The following DHX30 variants were observed in gnomAD, a reference collection of about 807,000 sequenced individuals.
DHX30 encodes DExH-box helicase 30.
A neutral mutation model predicts 116.9 loss-of-function variants in DHX30; 4 were observed. That is an observed-to-expected ratio of 0.03 (90% CI 0.02 to 0.08). The LOEUF (loss-of-function observed/expected upper bound fraction) is 0.08, where lower values mean the gene tolerates loss of function less well. Among genes scored for constraint, DHX30 ranks in the 10% least tolerant of loss-of-function variants. The probability of loss-of-function intolerance (pLI) is 1.00; values close to 1 mark genes in which losing one functional copy is unlikely to be tolerated. For synonymous variants in DHX30, 697 were observed against 651.7 expected (o/e 1.07, Z -1.06); for missense variants, 871 against 1,595.1 (o/e 0.55, Z 7.73).
At chr3:47,840,669 A>T (rs527893215) in intron 6 of DHX30, among the ~76,000 whole-genome samples, 1 of 152,192 alleles carries the variant, frequency 6.6e-6, no homozygotes, top group East Asian at 1.9e-4. Flanking sequence ...TCTTCTGCTC[A>T]CCCATTGCCA....
intron 6 of DHX30, among the ~76,000 whole-genome samples, chr3:47,838,218 T>C (rs540207380): frequency 8.5e-5 from 13 of 152,312 alleles, no homozygotes; most frequent in African/African-American, 2.9e-4. Context: ...CTTGGCCCCA[T>C]CGTCTGTCCC....
In DHX30 at chr3:47,841,013, T is replaced by G; in HGVS notation, c.503T>G (p.Leu168Arg). The change falls in exon 7 of 22, where the codon CTG (leucine) becomes CGG (arginine). Residue 168 changes from leucine (L) to arginine (R), a missense_variant. Leu to Arg is a moderately radical substitution (Grantham distance 102). Coordinates refer to ENST00000445061, the MANE Select transcript of DHX30 (RefSeq NM_138615.3). ...PTMPPTSWRQ[L>R]NPESIRPGGP... ...ATGCCCCCTACTTCCTGGCGGCAGC[T>G]GAATCCAGAGAGTATTCGACCAGGG... 2 of 1,614,214 alleles carry G rather than the reference T, an allele frequency of 1.2e-6. No homozygotes were observed. Among genetic ancestry groups the G allele is most frequent in the Non-Finnish European group, 1.7e-6 (2 of 1,180,038 alleles).
intron 2 of DHX30, among the ~76,000 whole-genome samples, chr3:47,806,614 T>C (rs902242698): frequency 4.6e-5 from 7 of 151,782 alleles, no homozygotes; most frequent in South Asian, 2.1e-4. Context: ...CCTGGCTAAT[T>C]TTTTGTATTT....
intron 5 of DHX30, among the ~76,000 whole-genome samples, chr3:47,828,172 G>A (rs908113745): frequency 6.6e-6 from 1 of 151,942 alleles, no homozygotes; most frequent in Admixed American, 6.6e-5. Flanking sequence ...TAAAGATAAA[G>A]ATGGGGCCTG....
chr3:47,810,695 G>A lies in DHX30; in HGVS notation c.12G>A (p.Leu4=), dbSNP rs1462945079. 3 of 1,613,970 alleles carry A rather than the reference G, an allele frequency of 1.9e-6. No individual in the cohort carries two copies. In the Admixed American group the frequency reaches 5.0e-5, roughly 27 times the overall value. ...CCTCCTGGCCAGAAATGTTCAGCCT[G>A]GACTCATTCAGAAAAGGTAAGACTG... MFS[L]DSFRKDRAQH... Residue 4 remains leucine, a synonymous_variant, in exon 3 of 22, where the codon CTG becomes CTA. Transcript: ENST00000445061.
intron 6 of DHX30, among the ~76,000 whole-genome samples, chr3:47,834,304 A>G (rs1001467173): frequency 4.6e-5 from 7 of 152,094 alleles, no homozygotes; most frequent in African/African-American, 1.7e-4. Context: ...GGGTTTCGCC[A>G]TGGTGGCCAG....
chr3:47,840,813 C>T (rs1373251604), intron 6 of DHX30, 64 bp from the exon 7 acceptor site: 37 of 1,599,912 alleles, frequency 2.3e-5, no homozygotes, highest in South Asian at 1.3e-4. Context: ...TAGCTGGACA[C>T]GGACCAGGCC....
rs549401145 is a variant in DHX30 at position 47,846,821 on chromosome 3, G to C, written c.1749G>C (p.Pro583=). The C allele has an allele frequency of 1.2e-6, 2 of 1,612,920 alleles. No homozygotes were observed. Among genetic ancestry groups the C allele is most frequent in the Admixed American group, 1.7e-5 (1 of 59,878 alleles). The change falls in exon 11 of 22, where the codon CCG becomes CCC. Residue 583 remains proline (P), a synonymous_variant. Coordinates refer to ENST00000445061, the MANE Select transcript of DHX30 (RefSeq NM_138615.3). ...TCAAGGGCCTGCAGCGGCTCAACCC[G>C]GCCCTGCGGCTGGTGCTCATGAGTG... ...ILLKGLQRLN[P]ALRLVLMSAT...
intron 4 of DHX30, among the ~76,000 whole-genome samples, chr3:47,818,362 A>C (rs1202452544): frequency 2.0e-5 from 3 of 152,136 alleles, no homozygotes; most frequent in Non-Finnish European, 4.4e-5. Context: ...GCCTGGACTA[A>C]AGCCTAGGCT....
At position 47,845,763 on chromosome 3, in the gene DHX30, T is replaced by C. The variant is rs781022286; in HGVS notation, c.1003T>C (p.Leu335=). 1.4e-5 allele frequency: 22 copies of C among 1,612,530 alleles called. No homozygotes were observed. Among genetic ancestry groups the C allele is most frequent in the Non-Finnish European group, 1.9e-5 (22 of 1,178,786 alleles). Residue 335 remains leucine (L), a synonymous_variant, in exon 10 of 22, where the codon TTG becomes CTG. Coordinates refer to ENST00000445061, the MANE Select transcript of DHX30 (RefSeq NM_138615.3). The part of the protein sequence containing the change: ...LTHAMYNLAS[L]RELGETQRRP... ...ACACGCCATGTATAACCTGGCCTCT[T>C]TGCGTGAGCTGGGTGAGACCCAGCG...
At chr3:47,845,958 CTT>C in intron 10 of DHX30, 106 bp downstream of exon 10, 4 of 1,497,356 alleles carry the variant, frequency 2.7e-6, no homozygotes, top group Non-Finnish European at 2.7e-6. Context: ...TCCCCATTCT[CTT>C]CACTGAGTTT....
rs188545874 is a variant in DHX30 at position 47,833,200 on chromosome 3, A to G, written c.366+4066A>G. ...TATATTCAAGCAAATTAACATATCC[A>G]TCACCTCAAATAGTTATCTTTTTTT... On this transcript the variant is annotated intron_variant, in intron 6 of 21. Transcript: ENST00000445061. 3.9e-5 allele frequency among the ~76,000 whole-genome samples: 6 copies of G among 152,208 alleles called. 1 individual carries two copies. Among genetic ancestry groups the G allele is most frequent in the African/African-American group, 1.4e-4 (6 of 41,536 alleles).
chr3:47,815,996 C>T, intron 3 of DHX30: 1 of 980,994 alleles, frequency 1.0e-6, no homozygotes, highest in Non-Finnish European at 1.2e-6. Context: ...CCTCCTTAAA[C>T]AGGAATGGAG....
intron 6 of DHX30, among the ~76,000 whole-genome samples, chr3:47,834,165 G>A (rs886083633): frequency 1.3e-5 from 2 of 152,068 alleles, no homozygotes; most frequent in Non-Finnish European, 1.5e-5. Flanking sequence ...GTGCAGTGGC[G>A]TGATCTTGGC....
intron 6 of DHX30, among the ~76,000 whole-genome samples, chr3:47,837,597 C>T (rs2037179984): frequency 1.3e-5 from 2 of 152,106 alleles, no homozygotes; most frequent in Non-Finnish European, 2.9e-5. Context: ...CCCATCTCTA[C>T]TAAAAATACA....
intron 2 of DHX30, 36 bp downstream of exon 2, chr3:47,805,456 A>G (rs2035474081): frequency 7.5e-6 from 3 of 399,026 alleles, no homozygotes; most frequent in Non-Finnish European, 1.3e-5. Flanking sequence ...GCAGTGGTGG[A>G]TCTGATGCTC....
At position 47,803,200 on chromosome 3, in the gene DHX30, T is replaced by A. The variant is rs2035364640; in HGVS notation, c.-135T>A. The A allele has an allele frequency of 5.1e-6, 2 of 393,748 alleles. No individual in the cohort carries two copies. The highest frequency in any genetic ancestry group is 4.5e-6 in the Non-Finnish European group (1 of 222,784). The allele number at this position is 393,748 out of a possible 1,614,324, so 24.4% of individuals were successfully genotyped here. ...GCGGTGCACAGAGGCTTGTTTCACA[T>A]CTGTAACAACAGGTGAATTGGGCTT... is the stretch of plus-strand genomic sequence containing the variant. On this transcript the variant is annotated 5_prime_UTR_variant, in exon 1 of 22. Transcript: ENST00000445061.
At chr3:47,820,301 G>A (rs1438538197) in intron 4 of DHX30, among the ~76,000 whole-genome samples, 2 of 151,784 alleles carry the variant, frequency 1.3e-5, no homozygotes, top group South Asian at 2.1e-4. Context: ...GCAACAGAGC[G>A]AGACTCCATC....
At position 47,847,179 on chromosome 3, in the gene DHX30, C is replaced by T. The variant is rs1396317690; in HGVS notation, c.1930-94C>T. 3.2e-6 allele frequency: 5 copies of T among 1,539,536 alleles called. No individual in the cohort carries two copies. The highest frequency in any genetic ancestry group is 4.5e-6 in the Non-Finnish European group (5 of 1,115,426). ...CACACGTGAGGATTGGAGTTGATGT[C>T]AAGCGGCTCCGTCTCACTGAGTCAG... On this transcript the variant is annotated intron_variant, in intron 11 of 21. Transcript: ENST00000445061. The surrounding 1 kb of genome is among the most constrained non-coding windows in gnomAD (Gnocchi z 5.5).
Sources: gnomAD v4.1 joint callset for allele counts (sites outside exome capture counted in the v4.1 genomes callset) on GRCh38, gnomAD v4.1.1 for gene constraint, Gnocchi (gnomAD v3.1) non-coding constraint, MANE v1.5 for transcripts, NCBI Gene and HGNC (gene_info 2026-07-23, HGNC 2026-07-21) for gene names.